CBR4: variants seen among roughly 807,000 people sequenced by gnomAD.
CBR4 encodes the protein 3-oxoacyl-[acyl-carrier-protein] reductase.
Under a neutral mutation model 21.0 loss-of-function variants are expected in CBR4, and 22 were observed. That is an observed-to-expected ratio of 1.05 (90% CI 0.75 to 1.50). The LOEUF (loss-of-function observed/expected upper bound fraction) is 1.50. Ranked by LOEUF, CBR4 falls within the 40% of genes most tolerant of loss-of-function variation. The pLI is 0.00. For missense variants in CBR4, 302 were observed against 286.3 expected (o/e 1.05, Z -0.40); for synonymous variants, 100 against 104.4 (o/e 0.96, Z 0.26).
At chr4:169,007,117 G>C (rs1338523966) in intron 2 of CBR4, among the ~76,000 whole-genome samples, 2 of 152,266 alleles carry the variant, frequency 1.3e-5, no homozygotes, top group Non-Finnish European at 2.9e-5. Flanking sequence ...CCCCTTCTCA[G>C]CTTGAGTGGC....
intron 4 of CBR4, among the ~76,000 whole-genome samples, chr4:168,992,138 T>G (rs571118153): frequency 1.2e-4 from 19 of 152,362 alleles, no homozygotes; most frequent in African/African-American, 4.6e-4. Context: ...TTCACAGATT[T>G]GTCTATCATG....
rs1007014068 is a variant in CBR4 at position 168,935,629 on chromosome 4, TA to T, written n.170-40865del. Among the ~76,000 whole-genome samples, 171 of 151,862 alleles carry T rather than the reference TA, an allele frequency of 1.1e-3. 1 individual carries two copies. The highest frequency in any genetic ancestry group is 4.0e-3 in the African/African-American group (164 of 41,408). On this transcript the variant is annotated intron_variant and non_coding_transcript_variant, in intron 2 of 3. Coordinates refer to the CBR4 transcript ENST00000509108. ...AGTAGGCAGTTATCCCCTCACGGTATAAAAAAAAGCCTCCAGGAAATTTGAA... is the reference window on the plus strand; with the variant it reads ...AGTAGGCAGTTATCCCCTCACGGTATAAAAAAAGCCTCCAGGAAATTTGAA...
intron 4 of CBR4, among the ~76,000 whole-genome samples, chr4:168,995,065 CT>C (rs1427375763): frequency 1.3e-5 from 2 of 152,082 alleles, no homozygotes; most frequent in African/African-American, 4.8e-5. Context: ...CCTGAGGTTT[CT>C]TTTAGCCCTA....
intron 2 of CBR4, among the ~76,000 whole-genome samples, chr4:168,907,003 T>A (rs1480722733): frequency 6.6e-6 from 1 of 152,208 alleles, no homozygotes; most frequent in African/African-American, 2.4e-5. Context: ...GTTATGAGCA[T>A]GAACTTTGGC....
chr4:168,926,439 A>G (rs1762589423), intron 2 of CBR4: 7 of 1,283,742 alleles, frequency 5.5e-6, no homozygotes, highest in Non-Finnish European at 6.5e-6. Flanking sequence ...CTTGACCAAC[A>G]TATTCCTTTG....
At chr4:168,998,096 A>G (rs763276792) in intron 4 of CBR4, among the ~76,000 whole-genome samples, 18 of 152,248 alleles carry the variant, frequency 1.2e-4, no homozygotes, top group African/African-American at 2.9e-4. Flanking sequence ...TTCTCCAAGT[A>G]GTAAACATAA....
chr4:168,984,995 G>C (rs1323261441), downstream of CBR4, among the ~76,000 whole-genome samples: 2 of 152,040 alleles, frequency 1.3e-5, no homozygotes, highest in South Asian at 2.1e-4. Flanking sequence ...TCTGGACATG[G>C]GCCCAGGTAA....
Position 168,989,901 on chromosome 4 carries a change from G to A in CBR4, c.*249C>T. 2.7e-6 allele frequency: 3 copies of A among 1,130,006 alleles called. No homozygotes were observed. The highest frequency in any genetic ancestry group is 4.0e-5 in the South Asian group (1 of 24,722). 70.0% of individuals were successfully genotyped at this position (1,130,006 alleles called of 1,614,324 possible). A position where few individuals can be genotyped will look rare whatever the true frequency, so the allele number is the denominator to read the frequency against. On this transcript the variant is annotated 3_prime_UTR_variant, in exon 5 of 5. Coordinates refer to ENST00000306193, the MANE Select transcript of CBR4 (RefSeq NM_032783.5). ...TGTATTTTAAATGTGTGATTATATG[G>A]TATGTGAATTGTATCTCATGAAGGC...
intron 2 of CBR4, among the ~76,000 whole-genome samples, chr4:168,945,907 C>G (rs558716555): frequency 3.3e-4 from 51 of 152,256 alleles, no homozygotes; most frequent in African/African-American, 1.2e-3. Flanking sequence ...TAACTTACAG[C>G]AGACCCGCAA....
At chr4:168,898,289 G>T in intron 2 of CBR4, 1 of 597,696 alleles carries the variant, frequency 1.7e-6, no homozygotes, top group Non-Finnish European at 3.0e-6. Context: ...TGGATGATAG[G>T]ACTTGAAGAC....
At chr4:168,902,857 A>AACCTCCT (rs1338950312) in intron 2 of CBR4, among the ~76,000 whole-genome samples, 2 of 152,162 alleles carry the variant, frequency 1.3e-5, no homozygotes, top group Non-Finnish European at 2.9e-5. Flanking sequence ...CTACAGCCTC[A>AACCTCCT]ACCTCCTGGG....
At chr4:168,935,126 C>T (rs1479565168) in intron 2 of CBR4, among the ~76,000 whole-genome samples, 7 of 152,154 alleles carry the variant, frequency 4.6e-5, no homozygotes, top group Non-Finnish European at 8.8e-5. Context: ...CCATGGAGGG[C>T]GAGCAGAAGC....
chr4:168,984,035 A>G (rs185376037), downstream of CBR4, among the ~76,000 whole-genome samples: 1 of 152,314 alleles, frequency 6.6e-6, no homozygotes, highest in Non-Finnish European at 1.5e-5. Context: ...CCTATTCAAC[A>G]TAATATTATA....
rs560712626 is a variant in CBR4 at position 168,951,090 on chromosome 4, C to T, written n.169+50981G>A. Among the ~76,000 whole-genome samples, 15 of 152,006 alleles carry T rather than the reference C, an allele frequency of 9.9e-5. No homozygotes were observed. In the East Asian group the frequency reaches 1.2e-3, roughly 12 times the overall value. ...TCTTCTTTTTTTTGAGATGGAGTTT[C>T]GCTCTGTCACCAGGCTGGAGTGCAG... On this transcript the variant is annotated intron_variant and non_coding_transcript_variant, in intron 2 of 3. Transcript: ENST00000509108.
In CBR4 at chr4:168,959,251, G is replaced by A. The variant is rs147001915; in HGVS notation, n.169+42820C>T. 1.2e-3 allele frequency among the ~76,000 whole-genome samples: 187 copies of A among 152,086 alleles called. 2 individuals carry two copies. The East Asian group carries it at 0.012, about 10-fold the overall frequency. The stretch of plus-strand genomic sequence containing the variant: ...GGATTAAGGTTCATTTTTTTCACAT[G>A]GCTATCCAGTTGTTCCAACCCCATT... On this transcript the variant is annotated intron_variant and non_coding_transcript_variant, in intron 2 of 3. Coordinates refer to the CBR4 transcript ENST00000509108.
chr4:168,900,711 A>G (rs1270611328), intron 2 of CBR4, among the ~76,000 whole-genome samples: 1 of 152,216 alleles, frequency 6.6e-6, no homozygotes, highest in Non-Finnish European at 1.5e-5. Context: ...TTCCTAATAA[A>G]ATGGGATTTT....
chr4:168,917,184 A>G, intron 2 of CBR4, among the ~76,000 whole-genome samples: 1 of 151,006 alleles, frequency 6.6e-6, no homozygotes. Flanking sequence ...GAGTAGCTGG[A>G]AGTACAGGCA....
At position 168,924,533 on chromosome 4, in the gene CBR4, G is replaced by T. The variant is rs907772781; in HGVS notation, n.170-29768C>A. 162 of 1,071,658 alleles carry T rather than the reference G, an allele frequency of 1.5e-4. 3 individuals are homozygous for T. The South Asian group carries it at 2.1e-3, about 14-fold the overall frequency. 66.4% of individuals were successfully genotyped at this position (1,071,658 alleles called of 1,614,324 possible). A position where few individuals can be genotyped will look rare whatever the true frequency, so the allele number is the denominator to read the frequency against. On this transcript the variant is annotated intron_variant and non_coding_transcript_variant, in intron 2 of 3. Transcript: ENST00000509108. ...TGTGTAAAAGCCACATAGATGTTTT[G>T]ATTTTTGATGAAATCAATCAAAGAC...
chr4:169,001,388 T>C (rs1020088296), intron 4 of CBR4: 6 of 152,172 alleles, frequency 3.9e-5, no homozygotes, highest in African/African-American at 1.4e-4. Flanking sequence ...AGGTACAGTT[T>C]TCTAATCTAC....
Sources: gnomAD v4.1 joint callset for allele counts (sites outside exome capture counted in the v4.1 genomes callset) on GRCh38, gnomAD v4.1.1 for gene constraint, MANE v1.5 for transcripts, NCBI Gene and HGNC (gene_info 2026-07-23, HGNC 2026-07-21) for gene names.